The following HELZ2 variants were observed in gnomAD, a reference collection of about 807,000 sequenced individuals.
The protein encoded by HELZ2 is helicase with zinc finger 2.
HELZ2 carries 143 observed loss-of-function variants against 208.8 expected under a neutral mutation model. The ratio of observed to expected loss-of-function variants is 0.68; its 90% CI spans 0.60 to 0.79. HELZ2 has a LOEUF of 0.79. Ranked by LOEUF, HELZ2 falls within the 30% of genes least tolerant of loss-of-function variation. The probability of loss-of-function intolerance (pLI) is 0.00; values close to 1 mark genes in which losing one functional copy is unlikely to be tolerated. For synonymous variants in HELZ2, 1,705 were observed against 1,693.7 expected (o/e 1.01, Z -0.16); for missense variants, 3,690 against 3,794.5 (o/e 0.97, Z 0.72).
rs113979391 is a variant in HELZ2 at position 63,571,669 on chromosome 20, C to T, written c.278+439G>A. 8 of 30,850 alleles carry T rather than the reference C, an allele frequency of 2.6e-4. 1 individual carries two copies. The highest frequency in any genetic ancestry group is 5.4e-4 in the Admixed American group (2 of 3,726). 1.9% of individuals were successfully genotyped at this position (30,850 alleles called of 1,614,324 possible). ...CTCTGCCTACAGTGGGCTCCTGCCC[C>T]GCTCCAAGCTCCTGGGAACCTCTGG... On this transcript the variant is annotated intron_variant, in intron 1 of 18. Transcript: ENST00000467148.
chr20:63,567,386 C>A, exon 6 of HELZ2: 1 of 1,591,806 alleles, frequency 6.3e-7, no homozygotes, highest in Non-Finnish European at 8.5e-7. Flanking sequence ...AAGAAGCCGA[C>A]CGGCACCCTG....
At chr20:63,562,494 A>C in intron 8 of HELZ2, 26 bp downstream of exon 9, 1 of 1,545,380 alleles carries the variant, frequency 6.5e-7, no homozygotes. Flanking sequence ...CCCCCAGCCC[A>C]GCCTCTGCTG....
In HELZ2 at chr20:63,568,350, G is replaced by T; in HGVS notation, c.1730+8C>A. 1 of 1,604,998 alleles carries T rather than the reference G, an allele frequency of 6.2e-7. No homozygotes were observed. The highest frequency in any genetic ancestry group is 8.5e-7 in the Non-Finnish European group (1 of 1,174,462). ...GGTGAGGTGGGGGCAGGCCAGGCTC[G>T]GGCTTACCTGTTGGTGTGTGTGCAG... is the stretch of plus-strand genomic sequence containing the variant. On this transcript the variant is annotated splice_region_variant and intron_variant, in intron 5 of 18. Coordinates refer to ENST00000467148, the Ensembl canonical transcript of HELZ2.
At chr20:63,561,951 A>G in exon 11 of HELZ2, 1 of 1,600,946 alleles carries the variant, frequency 6.2e-7, no homozygotes, top group Non-Finnish European at 8.5e-7. Context: ...AAACCAGAAT[A>G]CGATGTGGAG....
chr20:63,565,927 G>T, exon 8 of HELZ2: 1 of 1,598,726 alleles, frequency 6.3e-7, no homozygotes, highest in Non-Finnish European at 8.5e-7. Flanking sequence ...CAGCCTGTGT[G>T]CCTCGGGGAG....
intron 8 of HELZ2, 30 bp downstream of exon 9, chr20:63,562,490 G>C (rs1260185375): frequency 1.3e-6 from 2 of 1,540,340 alleles, no homozygotes; most frequent in African/African-American, 2.7e-5. Context: ...CGGTCCCCCA[G>C]CCCAGCCTCT....
At chr20:63,573,537 G>C (rs1344388591), upstream of HELZ2, among the ~76,000 whole-genome samples, 3 of 152,102 alleles carry the variant, frequency 2.0e-5, no homozygotes, top group Non-Finnish European at 4.4e-5. This position sits in a 1 kb window ranked among gnomAD's most constrained non-coding sequence, Gnocchi z 4.9. Flanking sequence ...GGAGGGGGCA[G>C]AGCCCTTGGC....
exon 6 of HELZ2, chr20:63,567,383 C>A: frequency 6.3e-7 from 1 of 1,593,014 alleles, no homozygotes; most frequent in South Asian, 1.1e-5. Context: ...GAGAAGAAGC[C>A]GACCGGCACC....
Position 63,564,060 on chromosome 20 carries a change from C to G in HELZ2, c.4762G>C (p.Gly1588Arg), listed in dbSNP as rs148688872. Reference sequence around the variant, plus strand: ...AGCCGCGTGTCGGGGGGACTGCCCCCGCCGCCGTGCAGGTGGTGGCCGAGG... The same window carrying G: ...AGCCGCGTGTCGGGGGGACTGCCCCGGCCGCCGTGCAGGTGGTGGCCGAGG... The change falls in exon 8 of 19, where the codon GGG (glycine) becomes CGG (arginine). Residue 1588 changes from glycine to arginine, a missense_variant. By Grantham distance (125) the Gly-to-Arg change is moderately radical. Around this residue, in one of 3 missense-constraint regions of HELZ2, gnomAD observed 2,564 missense variants for 2,580.5 expected, o/e 0.99. Transcript: ENST00000467148. 1.2e-5 allele frequency: 20 copies of G among 1,605,002 alleles called. No homozygotes were observed. Among genetic ancestry groups the G allele is most frequent in the Non-Finnish European group, 1.6e-5 (19 of 1,176,858 alleles).
Position 63,569,467 on chromosome 20 carries a change from A to C in HELZ2, c.769T>G (p.Phe257Val), listed in dbSNP as rs2082997102. The C allele has an allele frequency of 2.5e-6, 4 of 1,610,214 alleles. No individual in the cohort carries two copies. The East Asian group carries it at 8.9e-5, about 36-fold the overall frequency. ...TGTAGCAGCACCGGCCGGCGGCCAA[A>C]GTCGAAGACCACCCATTGCTCAAAG... is the stretch of plus-strand genomic sequence containing the variant. Residue 257 changes from phenylalanine (F) to valine (V), a missense_variant, in exon 4 of 19, where the codon TTT (phenylalanine) becomes GTT (valine). By Grantham distance (50) the Phe-to-Val change is conservative (BLOSUM62 -1). This residue lies in a region of HELZ2 where 1,119 missense variants were observed against 1,193.4 expected (regional missense o/e 0.94). Transcript: ENST00000467148.
intron 18 of HELZ2, 87 bp downstream of exon 19, chr20:63,559,841 C>A: frequency 6.9e-7 from 1 of 1,459,674 alleles, no homozygotes; most frequent in Non-Finnish European, 9.3e-7. Flanking sequence ...AGGTCGGAGT[C>A]AGGGTCAGGC....
At chr20:63,559,175 G>T (rs2082848484), downstream of HELZ2, 1 of 1,433,232 alleles carries the variant, frequency 7.0e-7, no homozygotes, top group African/African-American at 1.4e-5. Context: ...ATGGCGGAGG[G>T]TGGTGGGGAG....
chr20:63,562,900 C>T, exon 8 of HELZ2: 1 of 1,599,286 alleles, frequency 6.3e-7, no homozygotes, highest in Non-Finnish European at 8.5e-7. Context: ...TCCGTGACGC[C>T]TCCCAGGAGA....
chr20:63,567,755 G>A, intron 5 of HELZ2, 128 bp from the exon 7 acceptor site: 2 of 1,463,986 alleles, frequency 1.4e-6, no homozygotes, highest in South Asian at 1.4e-5. Flanking sequence ...GAGGTGAGCA[G>A]CAAACACTGG....
chr20:63,567,681 C>A, intron 5 of HELZ2, 54 bp from the exon 7 acceptor site: 1 of 1,544,568 alleles, frequency 6.5e-7, no homozygotes, highest in African/African-American at 1.4e-5. Context: ...CAGTGCTGTC[C>A]GCTAAAGCAC....
In HELZ2 at chr20:63,563,021, C is replaced by T. The variant is rs200467624; in HGVS notation, c.5801G>A (p.Arg1934Gln). 1.5e-4 allele frequency: 241 copies of T among 1,600,548 alleles called. No individual in the cohort carries two copies. The highest frequency in any genetic ancestry group is 2.5e-4 in the East Asian group (11 of 44,130). Reference sequence around the variant, plus strand: ...GGCGTACTCATCCACGTCGCGGTACCGGTCCCTCGGGGCCCGGTACACACG... The same window carrying T: ...GGCGTACTCATCCACGTCGCGGTACTGGTCCCTCGGGGCCCGGTACACACG... Residue 1934 changes from arginine to glutamine, a missense_variant, in exon 8 of 19, where the codon CGG (arginine) becomes CAG (glutamine). This residue lies in a region of HELZ2 where 2,564 missense variants were observed against 2,580.5 expected (regional missense o/e 0.99). Coordinates refer to ENST00000467148, the Ensembl canonical transcript of HELZ2.
At chr20:63,572,843 C>T (rs1017504876), upstream of HELZ2, 1 of 161,376 alleles carries the variant, frequency 6.2e-6, no homozygotes, top group African/African-American at 2.4e-5. Context: ...GAGCCCAGGG[C>T]TGTAGTAGTG....
chr20:63,559,361 A>T lies in HELZ2; in HGVS notation c.7835T>A (p.Leu2612His), dbSNP rs1172798298. The change falls in exon 19 of 19, where the codon CTC becomes CAC. Residue 2612 changes from leucine (L) to histidine (H), a missense_variant. Physicochemically the swap from Leu to His is moderately conservative, Grantham distance 99. Around this residue, in one of 3 missense-constraint regions of HELZ2, gnomAD observed 2,564 missense variants for 2,580.5 expected, o/e 0.99. Transcript: ENST00000467148. Reference sequence around the variant, plus strand: ...CCAGAGGGGGCAGCAGCGCAGAAGGAGGTGGTCTCCTGTGAGGGTGGGAGT... The same window carrying T: ...CCAGAGGGGGCAGCAGCGCAGAAGGTGGTGGTCTCCTGTGAGGGTGGGAGT... The T allele has an allele frequency of 4.4e-6, 7 of 1,596,018 alleles. No individual in the cohort carries two copies. The South Asian group carries it at 5.6e-5, about 13-fold the overall frequency.
At chr20:63,564,939 G>T (rs1381232643) in exon 8 of HELZ2, 1 of 1,610,348 alleles carries the variant, frequency 6.2e-7, no homozygotes, top group African/African-American at 1.3e-5. Flanking sequence ...CGGAGGCCCT[G>T]CTCCCAGGTG....
Sources: allele counts gnomAD v4.1 joint callset (sites outside exome capture counted in the v4.1 genomes callset), GRCh38; gene constraint gnomAD v4.1.1; regional missense constraint gnomAD v4.1.1; non-coding constraint Gnocchi (gnomAD v3.1); transcripts MANE v1.5; gene names NCBI Gene and HGNC (gene_info 2026-07-23, HGNC 2026-07-21).